Variants in VRK2 observed in about 807,000 individuals in gnomAD.
VRK2 encodes the protein serine/threonine-protein kinase VRK2.
Under a neutral mutation model 57.6 loss-of-function variants are expected in VRK2, and 60 were observed. That is an observed-to-expected ratio of 1.04 (90% confidence interval 0.85 to 1.29). The LOEUF is 1.29. Among genes scored for constraint, VRK2 ranks in the 50% most tolerant of loss-of-function variants. The pLI, the probability that VRK2 is intolerant of heterozygous loss-of-function variation, is 0.00. For missense variants in VRK2, 705 were observed against 588.1 expected (o/e 1.20, Z -2.06); for synonymous variants, 231 against 199.2 (o/e 1.16, Z -1.35).
At chr2:58,106,796 T>C (rs1401706333) in intron 7 of VRK2, among the ~76,000 whole-genome samples, 1 of 152,080 alleles carries the variant, frequency 6.6e-6, no homozygotes, top group African/African-American at 2.4e-5. Flanking sequence ...AGATAAACTA[T>C]AGTTTTGAAA....
chr2:58,046,569 G>A (rs1039111117), upstream of VRK2: 17 of 985,530 alleles, frequency 1.7e-5, no homozygotes, highest in Admixed American at 6.1e-5. Context: ...TGGCGGGCCA[G>A]GGTGGAGGTA....
At chr2:57,947,780 G>A (rs1390824587) in intron 1 of VRK2, among the ~76,000 whole-genome samples, 1 of 152,082 alleles carries the variant, frequency 6.6e-6, no homozygotes, top group Non-Finnish European at 1.5e-5. Flanking sequence ...CTTTTCACTG[G>A]CATTGAGAGT....
At chr2:57,961,551 T>C (rs1446853395) in intron 1 of VRK2, among the ~76,000 whole-genome samples, 1 of 152,122 alleles carries the variant, frequency 6.6e-6, no homozygotes, top group Non-Finnish European at 1.5e-5. Context: ...CACCATGCTA[T>C]ACTGATCCTT....
chr2:57,958,742 G>A (rs574444551), intron 1 of VRK2, among the ~76,000 whole-genome samples: 48 of 152,104 alleles, frequency 3.2e-4, no homozygotes, highest in African/African-American at 1.2e-3. Context: ...TGTATTCAAC[G>A]AACAGACCAC....
chr2:58,088,196 T>G (rs1454549624), intron 5 of VRK2, 145 bp from the exon 6 acceptor site: 9 of 631,336 alleles, frequency 1.4e-5, no homozygotes, highest in Non-Finnish European at 2.3e-5. Flanking sequence ...AGCAGAATTA[T>G]GAACGTGCAT....
At chr2:58,158,831 G>A (rs1294812121) in intron 12 of VRK2, among the ~76,000 whole-genome samples, 4 of 152,102 alleles carry the variant, frequency 2.6e-5, no homozygotes, top group Non-Finnish European at 5.9e-5. Context: ...TGGTTCGTCT[G>A]TATAGCTTTC....
intron 12 of VRK2, among the ~76,000 whole-genome samples, chr2:58,156,686 T>A (rs1683929505): frequency 6.6e-6 from 1 of 152,168 alleles, no homozygotes; most frequent in Non-Finnish European, 1.5e-5. Context: ...TGTTATACCC[T>A]GTATTTTTCA....
chr2:58,124,479 A>G (rs1457666729), intron 8 of VRK2, among the ~76,000 whole-genome samples: 1 of 152,250 alleles, frequency 6.6e-6, no homozygotes, highest in Non-Finnish European at 1.5e-5. Context: ...ATTTTCAAAT[A>G]TGCTAAACCA....
At chr2:57,999,494 C>T (rs1673025422) in intron 1 of VRK2, among the ~76,000 whole-genome samples, 1 of 152,096 alleles carries the variant, frequency 6.6e-6, no homozygotes, top group Non-Finnish European at 1.5e-5. Context: ...TGTTTGTAGA[C>T]TTAAGTCTAC....
At chr2:57,979,401 T>C (rs1672349942) in intron 1 of VRK2, among the ~76,000 whole-genome samples, 1 of 151,268 alleles carries the variant, frequency 6.6e-6, no homozygotes, top group Admixed American at 6.5e-5. Flanking sequence ...TTGATTTGCA[T>C]GTGAATTAGC....
At chr2:57,975,171 TG>T (rs1177376783) in intron 1 of VRK2, among the ~76,000 whole-genome samples, 1 of 151,784 alleles carries the variant, frequency 6.6e-6, no homozygotes, top group Non-Finnish European at 1.5e-5. Flanking sequence ...ATAATCACAA[TG>T]AAAAAAAATA....
At chr2:57,997,557 T>G (rs1163067576) in intron 1 of VRK2, among the ~76,000 whole-genome samples, 2 of 152,218 alleles carry the variant, frequency 1.3e-5, no homozygotes, top group African/African-American at 2.4e-5. Flanking sequence ...TGAGCTAAAT[T>G]TTTTTAGATA....
intron 2 of VRK2, among the ~76,000 whole-genome samples, chr2:58,051,561 A>G (rs900697295): frequency 1.3e-5 from 2 of 152,216 alleles, no homozygotes; most frequent in East Asian, 1.9e-4. Flanking sequence ...GTAAAATTCA[A>G]ATTTTCCTGA....
At chr2:58,018,509 A>G (rs1252643422) in intron 1 of VRK2, among the ~76,000 whole-genome samples, 3 of 152,190 alleles carry the variant, frequency 2.0e-5, no homozygotes, top group Non-Finnish European at 2.9e-5. Flanking sequence ...TTATATTTCA[A>G]AAGTAGTTTT....
chr2:57,979,363 T>A (rs1487235966), intron 1 of VRK2, among the ~76,000 whole-genome samples: 1 of 151,218 alleles, frequency 6.6e-6, no homozygotes, highest in Non-Finnish European at 1.5e-5. Context: ...CTGTTCTGAC[T>A]GGCATGCGAT....
intron 1 of VRK2, among the ~76,000 whole-genome samples, chr2:57,985,943 T>G (rs1481040581): frequency 6.6e-6 from 1 of 152,170 alleles, no homozygotes; most frequent in Non-Finnish European, 1.5e-5. Flanking sequence ...TTTACATTAA[T>G]TAGACATAAA....
At chr2:58,059,616 TAAA>T (rs1677036723) in intron 2 of VRK2, among the ~76,000 whole-genome samples, 1 of 151,844 alleles carries the variant, frequency 6.6e-6, no homozygotes, top group African/African-American at 2.4e-5. Flanking sequence ...TTAGTTATAA[TAAA>T]AGTCTAGGTT....
intron 1 of VRK2, among the ~76,000 whole-genome samples, chr2:58,000,027 C>T (rs944598846): frequency 5.3e-5 from 8 of 152,054 alleles, no homozygotes; most frequent in Admixed American, 3.3e-4. Context: ...CACGCACACA[C>T]GCATGCACAC....
intron 1 of VRK2, among the ~76,000 whole-genome samples, chr2:57,916,323 T>A (rs968316951): frequency 5.3e-5 from 8 of 151,674 alleles, no homozygotes; most frequent in Admixed American, 5.3e-4. Context: ...GGAGAATCGC[T>A]TGAACCTGGG....
Sources: gnomAD v4.1 joint callset for allele counts (sites outside exome capture counted in the v4.1 genomes callset) on GRCh38, gnomAD v4.1.1 for gene constraint, MANE v1.5 for transcripts, NCBI Gene and HGNC (gene_info 2026-07-23, HGNC 2026-07-21) for gene names.